Variants in LMX1A observed in about 807,000 individuals in gnomAD.
LMX1A encodes the protein LIM homeobox transcription factor 1 alpha.
A neutral mutation model predicts 49.1 loss-of-function variants in LMX1A; 15 were observed. The ratio of observed to expected loss-of-function variants is 0.31; its 90% CI spans 0.20 to 0.47. The LOEUF (loss-of-function observed/expected upper bound fraction) is 0.47, where lower values mean the gene tolerates loss of function less well. Ranked by LOEUF, LMX1A falls within the 20% of genes least tolerant of loss-of-function variation. LMX1A has a pLI of 1.00. For missense variants in LMX1A, 372 were observed against 475.8 expected (o/e 0.78, Z 2.03); for synonymous variants, 167 against 185.7 (o/e 0.90, Z 0.82).
intron 3 of LMX1A, among the ~76,000 whole-genome samples, chr1:165,254,370 ATGGTCAC>A: frequency 6.6e-6 from 1 of 152,254 alleles, no homozygotes; most frequent in South Asian, 2.1e-4. Flanking sequence ...TGAAATGGTC[ATGGTCAC>A]TGGGGATTAC....
At chr1:165,291,683 G>A (rs1348589674) in intron 3 of LMX1A, among the ~76,000 whole-genome samples, 3 of 152,204 alleles carry the variant, frequency 2.0e-5, no homozygotes, top group African/African-American at 7.2e-5. Context: ...ATGGGAAACT[G>A]AGGCACAGAA....
chr1:165,287,070 G>A (rs994235956), intron 3 of LMX1A, among the ~76,000 whole-genome samples: 8 of 152,014 alleles, frequency 5.3e-5, no homozygotes, highest in Non-Finnish European at 8.8e-5. Flanking sequence ...AATCAAAACA[G>A]TCCCCTATTA....
rs1650953015 is a variant in LMX1A, at chr1:165,203,916, A to C, written c.1113T>G (p.His371Gln). The C allele has an allele frequency of 3.7e-6, 6 of 1,614,122 alleles. No individual in the cohort carries two copies. The highest frequency in any genetic ancestry group is 5.1e-6 in the Non-Finnish European group (6 of 1,180,024). ...AGTAAGAATTCTGCATGGAGTACAG[A>C]TGGTCAATGGGGTTTCCCACTCTGG... ...LQSRVGNPID[H>Q]LYSMQNSYFT... The change falls in exon 9 of 9, where the codon CAT becomes CAG. Residue 371 changes from histidine (H) to glutamine (Q), a missense_variant. By Grantham distance (24) the His-to-Gln change is conservative. Transcript: ENST00000342310.
chr1:165,339,360 G>T (rs1289997615), intron 3 of LMX1A, among the ~76,000 whole-genome samples: 1 of 152,206 alleles, frequency 6.6e-6, no homozygotes, highest in Non-Finnish European at 1.5e-5. Context: ...ACAGGCATGT[G>T]CATAGGCACA....
intron 3 of LMX1A, among the ~76,000 whole-genome samples, chr1:165,274,838 C>A (rs1189167292): frequency 2.0e-5 from 3 of 152,184 alleles, no homozygotes; most frequent in Admixed American, 2.0e-4. Flanking sequence ...CCTCTCTGAG[C>A]CTCACTCAGT....
Position 165,227,979 on chromosome 1 carries a change from G to A in LMX1A, c.497-14166C>T, listed in dbSNP as rs184627441. Among the ~76,000 whole-genome samples, 7 of 152,246 alleles carry A rather than the reference G, an allele frequency of 4.6e-5. No individual in the cohort carries two copies. In the East Asian group the frequency reaches 1.3e-3, roughly 29 times the overall value. Reference sequence around the variant, plus strand: ...CAAACATTTACTTACTCCACATAATGTTGTAGCAACTGTCATTCTAGGTTC... The same window carrying A: ...CAAACATTTACTTACTCCACATAATATTGTAGCAACTGTCATTCTAGGTTC... On this transcript the variant is annotated intron_variant, in intron 4 of 8. Coordinates refer to ENST00000342310, the MANE Select transcript of LMX1A (RefSeq NM_177398.4).
chr1:165,218,459 C>A (rs1400427223), intron 4 of LMX1A: 1 of 152,422 alleles, frequency 6.6e-6, no homozygotes, highest in Non-Finnish European at 1.5e-5. Context: ...GGAATCCAGA[C>A]CCTGGCTAAC....
chr1:165,210,100 C>T (rs999653642), intron 6 of LMX1A, among the ~76,000 whole-genome samples: 3 of 152,194 alleles, frequency 2.0e-5, no homozygotes, highest in Non-Finnish European at 4.4e-5. Context: ...TTGTTTTTTC[C>T]TCATATCATC....
chr1:165,309,363 G>T (rs1655009598), intron 3 of LMX1A, among the ~76,000 whole-genome samples: 1 of 152,190 alleles, frequency 6.6e-6, no homozygotes, highest in Non-Finnish European at 1.5e-5. Context: ...CCTAGCAAGA[G>T]CCCCCAGTGG....
intron 3 of LMX1A, among the ~76,000 whole-genome samples, chr1:165,311,706 G>T (rs1359271667): frequency 6.6e-6 from 1 of 152,212 alleles, no homozygotes; most frequent in Non-Finnish European, 1.5e-5. Flanking sequence ...AAGAGAAAGA[G>T]AAGGGTTTGT....
intron 3 of LMX1A, among the ~76,000 whole-genome samples, chr1:165,255,737 G>A (rs1653212694): frequency 6.6e-6 from 1 of 152,164 alleles, no homozygotes; most frequent in African/African-American, 2.4e-5. Flanking sequence ...ACTTTGGGAG[G>A]CCGAGGTGGG....
chr1:165,278,476 C>A (rs1654039428), intron 3 of LMX1A, among the ~76,000 whole-genome samples: 1 of 152,200 alleles, frequency 6.6e-6, no homozygotes, highest in Non-Finnish European at 1.5e-5. Flanking sequence ...CTACTTGGCA[C>A]TGAGTACCTG....
At chr1:165,213,365 A>G in intron 5 of LMX1A, 1 of 348,140 alleles carries the variant, frequency 2.9e-6, no homozygotes, top group East Asian at 4.7e-5. Flanking sequence ...ACCTATCATT[A>G]TTACTGTTCC....
At chr1:165,246,990 C>T (rs915960515) in intron 4 of LMX1A, among the ~76,000 whole-genome samples, 5 of 144,986 alleles carry the variant, frequency 3.4e-5, no homozygotes, top group Non-Finnish European at 6.0e-5. Flanking sequence ...TGTTGCAGTT[C>T]CCTGGTACTG....
Position 165,207,976 on chromosome 1 carries a change from T to C in LMX1A, c.817+87A>G, listed in dbSNP as rs1050203563. On this transcript the variant is annotated intron_variant, in intron 7 of 8. Coordinates refer to ENST00000342310, the MANE Select transcript of LMX1A (RefSeq NM_177398.4). ...CTAGGCTTCACTGAGTCCAGATATG[T>C]CATCCAAAGAGCTGGGTAGTGGGAG... is the stretch of plus-strand genomic sequence containing the variant. 3.7e-5 allele frequency: 41 copies of C among 1,120,962 alleles called. No individual in the cohort carries two copies. In the Middle Eastern group the frequency reaches 8.2e-4, roughly 22 times the overall value. 69.4% of individuals were successfully genotyped at this position (1,120,962 alleles called of 1,614,324 possible). A position where few individuals can be genotyped will look rare whatever the true frequency, so the allele number is the denominator to read the frequency against.
At chr1:165,353,310 C>A (rs950186995) in intron 2 of LMX1A, 48 bp from the exon 3 acceptor site, 5 of 1,518,012 alleles carry the variant, frequency 3.3e-6, no homozygotes, top group Non-Finnish European at 4.5e-6. Context: ...GGCAGGTAGA[C>A]CATGCCAAAC....
At chr1:165,277,308 T>C (rs76328269) in intron 3 of LMX1A, among the ~76,000 whole-genome samples, 7,896 of 152,216 alleles carry the variant, frequency 0.052, 298 homozygotes, top group Middle Eastern at 0.085. Flanking sequence ...TGAAGTTGTC[T>C]TGGCATCGGC....
intron 3 of LMX1A, among the ~76,000 whole-genome samples, chr1:165,304,425 C>T (rs1454856906): frequency 6.6e-6 from 1 of 152,192 alleles, no homozygotes; most frequent in African/African-American, 2.4e-5. Flanking sequence ...GGGACTATGT[C>T]ACCCAAGATA....
intron 4 of LMX1A, among the ~76,000 whole-genome samples, chr1:165,236,722 TCTC>T: frequency 6.6e-6 from 1 of 151,446 alleles, no homozygotes; most frequent in East Asian, 1.9e-4. Flanking sequence ...AGCTTCGCCT[TCTC>T]CTGGGGCAAT....
Sources: allele counts gnomAD v4.1 joint callset (sites outside exome capture counted in the v4.1 genomes callset), GRCh38; gene constraint gnomAD v4.1.1; transcripts MANE v1.5; gene names NCBI Gene and HGNC (gene_info 2026-07-23, HGNC 2026-07-21).